Variants in PADI1 observed in about 807,000 individuals in gnomAD.
PADI1 encodes the protein peptidyl arginine deiminase 1.
Under a neutral mutation model 74.8 loss-of-function variants are expected in PADI1, and 65 were observed. The observed-to-expected ratio is 0.87, with a 90% CI of 0.71 to 1.07. The LOEUF (loss-of-function observed/expected upper bound fraction) is 1.07, where lower values mean the gene tolerates loss of function less well. Among genes scored for constraint, PADI1 ranks in the 50% least tolerant of loss-of-function variants. PADI1 has a pLI of 0.00. For synonymous variants in PADI1, 371 were observed against 336.2 expected (o/e 1.10, Z -1.13); for missense variants, 943 against 854.0 (o/e 1.10, Z -1.30).
intron 1 of PADI1, among the ~76,000 whole-genome samples, chr1:17,210,688 A>G (rs1301615523): frequency 6.6e-6 from 1 of 152,176 alleles, no homozygotes; most frequent in Non-Finnish European, 1.5e-5. Context: ...GTGTGATTCT[A>G]GACTCCTGAG....
chr1:17,223,762 GTGGATTCCT>G (rs2072232091), intron 3 of PADI1, 69 bp downstream of exon 3: 4 of 1,316,328 alleles, frequency 3.0e-6, no homozygotes, highest in Non-Finnish European at 4.3e-6. Flanking sequence ...GAGGGTCTTA[GTGGATTCCT>G]TGGAGTGGAA....
chr1:17,235,578 CAG>C (rs1488164084), intron 11 of PADI1, among the ~76,000 whole-genome samples: 1 of 152,004 alleles, frequency 6.6e-6, no homozygotes, highest in East Asian at 1.9e-4. Context: ...GGCTCAGGAG[CAG>C]AGAGCTCAGA....
At chr1:17,226,785 C>G (rs2072325203) in intron 6 of PADI1, among the ~76,000 whole-genome samples, 1 of 152,032 alleles carries the variant, frequency 6.6e-6, no homozygotes, top group Non-Finnish European at 1.5e-5. Context: ...CACGGTGGCT[C>G]ACACCTGTAA....
chr1:17,226,917 G>A (rs1044870923), intron 6 of PADI1, among the ~76,000 whole-genome samples: 10 of 152,052 alleles, frequency 6.6e-5, no homozygotes, highest in Admixed American at 1.3e-4. Flanking sequence ...CAGGTGTGGC[G>A]GCAGGTGCCT....
At chr1:17,230,505 G>A in intron 9 of PADI1, 67 bp from the exon 10 acceptor site, 1 of 1,117,044 alleles carries the variant, frequency 9.0e-7, no homozygotes, top group African/African-American at 1.6e-5. Flanking sequence ...AGGCCTGGTG[G>A]GGACCACCCT....
intron 14 of PADI1, 113 bp downstream of exon 14, chr1:17,239,896 G>C: frequency 1.2e-6 from 1 of 802,184 alleles, no homozygotes; most frequent in South Asian, 1.5e-5. Flanking sequence ...ATGGTCCTGG[G>C]GGCTGCTGGG....
intron 1 of PADI1, among the ~76,000 whole-genome samples, chr1:17,209,562 G>A (rs2071782093): frequency 6.6e-6 from 1 of 152,154 alleles, no homozygotes; most frequent in South Asian, 2.1e-4. Flanking sequence ...TTGCCATTTT[G>A]GGACTGGCTG....
In PADI1 at chr1:17,212,738, G is replaced by C. The variant is rs183980609; in HGVS notation, c.92+7429G>C. Among the ~76,000 whole-genome samples the C allele has an allele frequency of 3.3e-5, 5 of 152,292 alleles. No homozygotes were observed. The East Asian group carries it at 9.6e-4, about 29-fold the overall frequency. The stretch of plus-strand genomic sequence containing the variant: ...TGGGAGTGGGCAGGGGGCTGGCCGG[G>C]ATGACCTCCAAGGCCCGTCTCTGAC... On this transcript the variant is annotated intron_variant, in intron 1 of 15. Coordinates refer to ENST00000375471, the MANE Select transcript of PADI1 (RefSeq NM_013358.3).
chr1:17,230,993 G>C (rs575237008), intron 10 of PADI1, among the ~76,000 whole-genome samples: 15 of 152,326 alleles, frequency 9.8e-5, no homozygotes, highest in Admixed American at 4.6e-4. Context: ...GCTCTGGGGA[G>C]ACCAAACTGC....
chr1:17,209,727 G>A (rs2100394727), intron 1 of PADI1, among the ~76,000 whole-genome samples: 1 of 152,222 alleles, frequency 6.6e-6, no homozygotes, highest in South Asian at 2.1e-4. Flanking sequence ...CTTCCAGCTG[G>A]TCTTTGCAGG....
At chr1:17,231,824 T>C (rs2072496671) in intron 10 of PADI1, among the ~76,000 whole-genome samples, 1 of 152,124 alleles carries the variant, frequency 6.6e-6, no homozygotes, top group South Asian at 2.1e-4. Flanking sequence ...ACATGTGCCA[T>C]GTTGGTGTGC....
rs539530137 is a variant in PADI1 at position 17,240,652 on chromosome 1, C to T, written c.1650C>T (p.Asn550=). 2 of 1,613,958 alleles carry T rather than the reference C, an allele frequency of 1.2e-6. No individual in the cohort carries two copies. Among genetic ancestry groups the T allele is most frequent in the South Asian group, 1.1e-5 (1 of 91,084 alleles). Residue 550 remains asparagine (N), a synonymous_variant, in exon 15 of 16, where the codon AAC becomes AAT. Transcript: ENST00000375471. ...TTCCCCAGAAATGCATTGACTGGAA[C>T]CGTAATGTGCTGAAGCGGGAGCTGG... The part of the protein sequence containing the change: ...NLHAQKCIDW[N]RNVLKRELGL...
Position 17,228,959 on chromosome 1 carries a change from G to T in PADI1, c.837G>T (p.Glu279Asp). ...VSLVDPGTLP[E>D]VTLFTDTVGF... ...CATTTTCCCCTCAGACCCTGCCCGA[G>T]GTGACCCTCTTCACAGACACTGTGG... Residue 279 changes from glutamate (E) to aspartate (D), a missense_variant, in exon 8 of 16, where the codon GAG becomes GAT. By Grantham distance (45) the Glu-to-Asp change is conservative. Coordinates refer to ENST00000375471, the MANE Select transcript of PADI1 (RefSeq NM_013358.3). 6.3e-7 allele frequency: 1 copy of T among 1,599,618 alleles called. No individual in the cohort carries two copies.
intron 1 of PADI1, among the ~76,000 whole-genome samples, chr1:17,213,895 C>G (rs2071901739): frequency 6.6e-6 from 1 of 152,216 alleles, no homozygotes; most frequent in South Asian, 2.1e-4. Context: ...CCCATTCTGC[C>G]CATAACCTCT....
chr1:17,224,444 G>A lies in PADI1; in HGVS notation c.408+16G>A. The stretch of plus-strand genomic sequence containing the variant: ...AGGGGACAAGGTGAGACCCTTCCGG[G>A]CACCCCAAGGCTGCGGGGTTGAAAG... On this transcript the variant is annotated intron_variant, in intron 4 of 15. Transcript: ENST00000375471. 1 of 1,607,252 alleles carries A rather than the reference G, an allele frequency of 6.2e-7. No individual in the cohort carries two copies. The highest frequency in any genetic ancestry group is 8.5e-7 in the Non-Finnish European group (1 of 1,175,306).
chr1:17,230,812 G>A, intron 10 of PADI1, 133 bp downstream of exon 10: 1 of 622,934 alleles, frequency 1.6e-6, no homozygotes, highest in Non-Finnish European at 2.8e-6. Context: ...CAGGAGGTGG[G>A]ATGTCAGCAA....
chr1:17,210,446 G>T (rs765806380), intron 1 of PADI1, among the ~76,000 whole-genome samples: 1 of 152,012 alleles, frequency 6.6e-6, no homozygotes, highest in Admixed American at 6.6e-5. Flanking sequence ...GGGACATTCT[G>T]GTCCCCAGCC....
Position 17,244,633 on chromosome 1 carries a change from G to A in PADI1, c.*390G>A, listed in dbSNP as rs867705399. The stretch of plus-strand genomic sequence containing the variant: ...GACTTTGCATCTGCACCTGGAACGG[G>A]GCCTGGGGGACCTGGGGTCTGGTGT... On this transcript the variant is annotated 3_prime_UTR_variant, in exon 16 of 16. Transcript: ENST00000375471. The A allele has an allele frequency of 2.7e-6, 1 of 364,148 alleles. No individual in the cohort carries two copies. Among genetic ancestry groups the A allele is most frequent in the Middle Eastern group, 7.8e-4 (1 of 1,286 alleles). The allele number at this position is 364,148 out of a possible 1,614,324, so 22.6% of individuals were successfully genotyped here. A position where few individuals can be genotyped will look rare whatever the true frequency, so the allele number is the denominator to read the frequency against.
rs1245028402 is a variant in PADI1 at position 17,228,638 on chromosome 1, C to T, written c.666C>T (p.Leu222=). ...RVFCARGGNS[L]SDYKQVLGPQ... is the part of the protein sequence containing the mutation. ...TGTTCTTCCTAGGTGGGAATTCTCTCTCGGACTACAAACAGGTGCTGGGGC... is the reference window on the plus strand; with the variant it reads ...TGTTCTTCCTAGGTGGGAATTCTCTTTCGGACTACAAACAGGTGCTGGGGC... Residue 222 remains leucine (L), a synonymous_variant, in exon 7 of 16, where the codon CTC becomes CTT. Transcript: ENST00000375471. The T allele has an allele frequency of 5.6e-6, 9 of 1,614,102 alleles. No homozygotes were observed. The South Asian group carries it at 7.7e-5, about 14-fold the overall frequency.
Sources: gnomAD v4.1 joint callset for allele counts (sites outside exome capture counted in the v4.1 genomes callset) on GRCh38, gnomAD v4.1.1 for gene constraint, MANE v1.5 for transcripts, NCBI Gene and HGNC (gene_info 2026-07-23, HGNC 2026-07-21) for gene names.